Variants in RTTN observed in about 807,000 individuals in gnomAD.
The protein encoded by RTTN is rotatin.
A neutral mutation model predicts 269.2 loss-of-function variants in RTTN; 182 were observed. The ratio of observed to expected loss-of-function variants is 0.68; its 90% CI spans 0.60 to 0.76. The LOEUF (loss-of-function observed/expected upper bound fraction) is 0.76. Among genes scored for constraint, RTTN ranks in the 30% least tolerant of loss-of-function variants. RTTN has a pLI of 0.00. For synonymous variants in RTTN, 1,006 were observed against 963.5 expected (o/e 1.04, Z -0.82); for missense variants, 2,545 against 2,608.6 (o/e 0.98, Z 0.53).
intron 6 of RTTN, among the ~76,000 whole-genome samples, 167 bp downstream of exon 6, chr18:70,197,457 T>C (rs189626892): frequency 7.0e-4 from 107 of 152,340 alleles, no homozygotes; most frequent in Non-Finnish European, 3.5e-4. Flanking sequence ...GGAAGAACTA[T>C]AACTATCCAC....
intron 39 of RTTN, among the ~76,000 whole-genome samples, chr18:70,049,885 G>A (rs1259517854): frequency 6.6e-6 from 1 of 152,116 alleles, no homozygotes; most frequent in African/African-American, 2.4e-5. Context: ...GATGTGATGA[G>A]AAAGTTATTT....
At chr18:70,150,919 ATAT>A (rs2060521730) in intron 14 of RTTN, among the ~76,000 whole-genome samples, 186 bp from the exon 15 acceptor site, 1 of 151,882 alleles carries the variant, frequency 6.6e-6, no homozygotes, top group Non-Finnish European at 1.5e-5. Context: ...GATACATATT[ATAT>A]TACTTTCTGC....
intron 25 of RTTN, among the ~76,000 whole-genome samples, chr18:70,125,870 T>A (rs1011689344): frequency 1.3e-5 from 2 of 152,006 alleles, no homozygotes; most frequent in Non-Finnish European, 2.9e-5. Flanking sequence ...GTAAAGTTTT[T>A]AAAAAGTTTT....
At chr18:70,123,690 T>C (rs1171453134) in intron 25 of RTTN, among the ~76,000 whole-genome samples, 1 of 152,140 alleles carries the variant, frequency 6.6e-6, no homozygotes, top group Non-Finnish European at 1.5e-5. Context: ...TCTGAACCAC[T>C]TTCTCTCTAC....
rs372275637 is a variant in RTTN at position 70,145,717 on chromosome 18, C to T, written c.2376G>A (p.Lys792=). The change falls in exon 18 of 49, where the codon AAG becomes AAA. Residue 792 remains lysine (K), a synonymous_variant. Coordinates refer to ENST00000640769, the MANE Select transcript of RTTN (RefSeq NM_173630.4). The part of the protein sequence containing the change: ...HLTSEEGADT[K]RPLIDARVLS... ...GAACTCTGGCGTCTATTAGAGGACGCTTTGTATCAGCCCCTTCTTCACTGG... is the reference window on the plus strand; with the variant it reads ...GAACTCTGGCGTCTATTAGAGGACGTTTTGTATCAGCCCCTTCTTCACTGG... 4 of 1,613,532 alleles carry T rather than the reference C, an allele frequency of 2.5e-6. No individual in the cohort carries two copies. The highest frequency in any genetic ancestry group is 2.7e-5 in the African/African-American group (2 of 74,990).
At chr18:70,198,719 T>C (rs2061875443) in intron 5 of RTTN, among the ~76,000 whole-genome samples, 1 of 152,174 alleles carries the variant, frequency 6.6e-6, no homozygotes. Context: ...ATCCACATGG[T>C]TTAATTTGTC....
intron 28 of RTTN, among the ~76,000 whole-genome samples, chr18:70,101,196 C>T (rs1300839850): frequency 2.0e-5 from 3 of 152,158 alleles, no homozygotes; most frequent in Non-Finnish European, 2.9e-5. Flanking sequence ...GCTGTGAATC[C>T]ATCTGGTCCT....
chr18:70,168,861 C>G lies in RTTN; in HGVS notation c.1683G>C (p.Gly561=). ...ECTCNFLSDI[G]KEGEKNLLEL... ...TATTAAAAAAGCTTTTTACCTCTTT[C>G]CCAATATCAGACAGGAAGTTACAGG... Residue 561 remains glycine, a synonymous_variant, in exon 12 of 49, where the codon GGG becomes GGC. Coordinates refer to ENST00000640769, the MANE Select transcript of RTTN (RefSeq NM_173630.4). The G allele has an allele frequency of 6.2e-7, 1 of 1,602,762 alleles. No individual in the cohort carries two copies. Among genetic ancestry groups the G allele is most frequent in the Non-Finnish European group, 8.5e-7 (1 of 1,176,006 alleles).
chr18:70,201,635 C>T (rs1297808881), intron 4 of RTTN, among the ~76,000 whole-genome samples: 6 of 59,414 alleles, frequency 1.0e-4, no homozygotes, highest in African/African-American at 2.2e-4. Flanking sequence ...AAAAAAAAAA[C>T]TCATGTTCAT....
intron 28 of RTTN, among the ~76,000 whole-genome samples, chr18:70,098,764 G>C (rs1318229895): frequency 6.6e-6 from 1 of 151,994 alleles, no homozygotes; most frequent in East Asian, 1.9e-4. Flanking sequence ...ATTTATATTA[G>C]GTATATCTCC....
chr18:70,199,191 T>C (rs1407714531), intron 5 of RTTN, among the ~76,000 whole-genome samples: 1 of 151,836 alleles, frequency 6.6e-6, no homozygotes, highest in Admixed American at 6.6e-5. Context: ...GTCTCAAAAA[T>C]AAATAAATAA....
At chr18:70,179,946 C>A (rs978156346) in intron 10 of RTTN, among the ~76,000 whole-genome samples, 1 of 152,050 alleles carries the variant, frequency 6.6e-6, no homozygotes, top group South Asian at 2.1e-4. Context: ...TGCCAAAAGA[C>A]CCCTACCAGC....
chr18:70,030,023 A>G lies in RTTN; in HGVS notation c.5734T>C (p.Leu1912=), dbSNP rs933482265. 4 of 1,610,784 alleles carry G rather than the reference A, an allele frequency of 2.5e-6. No individual in the cohort carries two copies. The African/African-American group carries it at 4.0e-5, about 16-fold the overall frequency. The change falls in exon 42 of 49, where the codon TTG becomes CTG. Residue 1912 remains leucine, a synonymous_variant. Transcript: ENST00000640769. ...LDSLRPGKAA[L]KKKEDGVIKE... ...TCCCAGAATGTTACCTTTTTTTTCAATGCTGCTTTCCCAGGCCTCAGAGAA... is the reference window on the plus strand; with the variant it reads ...TCCCAGAATGTTACCTTTTTTTTCAGTGCTGCTTTCCCAGGCCTCAGAGAA...
At chr18:70,148,781 T>TAACC in intron 17 of RTTN, 120 bp downstream of exon 17, 2 of 1,186,658 alleles carry the variant, frequency 1.7e-6, no homozygotes, top group Non-Finnish European at 2.4e-6. Flanking sequence ...TTTCCTCTAG[T>TAACC]AATGGAATAA....
At chr18:70,018,583 G>A (rs768442499) in intron 45 of RTTN, among the ~76,000 whole-genome samples, 11 of 152,088 alleles carry the variant, frequency 7.2e-5, no homozygotes, top group Non-Finnish European at 1.5e-4. Context: ...TAAACTTAAC[G>A]TTTTTATACA....
rs1352578544 is a variant in RTTN at position 70,145,788 on chromosome 18, G to A, written c.2310-5C>T. 2 of 1,597,506 alleles carry A rather than the reference G, an allele frequency of 1.3e-6. No individual in the cohort carries two copies. The highest frequency in any genetic ancestry group is 2.3e-5 in the South Asian group (2 of 86,904). ...TTTAATGCTAGCGAACGGACCCTGA[G>A]AACACAAAGTACTTAAGTCGAACTT... is the stretch of plus-strand genomic sequence containing the variant. On this transcript the variant is annotated splice_polypyrimidine_tract_variant and splice_region_variant and intron_variant, in intron 17 of 48. Coordinates refer to ENST00000640769, the MANE Select transcript of RTTN (RefSeq NM_173630.4).
At chr18:70,048,258 G>A in intron 39 of RTTN, 70 bp from the exon 40 acceptor site, 1 of 1,371,276 alleles carries the variant, frequency 7.3e-7, no homozygotes, top group Non-Finnish European at 1.0e-6. Context: ...AAATCAAGTT[G>A]ATTTTAAAGT....
intron 4 of RTTN, among the ~76,000 whole-genome samples, chr18:70,201,612 A>AAT (rs2061952383): frequency 6.8e-6 from 1 of 147,734 alleles, no homozygotes; most frequent in Non-Finnish European, 1.5e-5. Flanking sequence ...CATCTCAAAA[A>AAT]AAAAAAAAAA....
chr18:70,092,252 G>C, intron 29 of RTTN, 32 bp from the exon 30 acceptor site: 2 of 1,328,290 alleles, frequency 1.5e-6, no homozygotes, highest in Non-Finnish European at 2.2e-6. Context: ...AGAAATATTT[G>C]AGGTAAGTTT....
Sources: allele counts gnomAD v4.1 joint callset (sites outside exome capture counted in the v4.1 genomes callset), GRCh38; gene constraint gnomAD v4.1.1; transcripts MANE v1.5; gene names NCBI Gene and HGNC (gene_info 2026-07-23, HGNC 2026-07-21).